The following DDI2 variants were observed in gnomAD, a reference collection of about 807,000 sequenced individuals.
DDI2 encodes protein DDI1 homolog 2.
A neutral mutation model predicts 48.1 loss-of-function variants in DDI2; 5 were observed. The observed-to-expected ratio is 0.10, with a 90% CI of 0.05 to 0.22. The LOEUF is 0.22. Ranked by LOEUF, DDI2 falls within the 10% of genes least tolerant of loss-of-function variation. The pLI, the probability that DDI2 is intolerant of heterozygous loss-of-function variation, is 1.00. For synonymous variants in DDI2, 205 were observed against 183.6 expected (o/e 1.12, Z -0.94); for missense variants, 285 against 506.2 (o/e 0.56, Z 4.19).
At chr1:15,626,163 CA>C (rs1639750510) in intron 1 of DDI2, among the ~76,000 whole-genome samples, 2 of 152,162 alleles carry the variant, frequency 1.3e-5, no homozygotes, top group South Asian at 4.1e-4. Context: ...ATTTGAGCAT[CA>C]GTTATATAAC....
intron 6 of DDI2, 144 bp from the exon 7 acceptor site, chr1:15,649,576 C>T (rs374461256): frequency 1.3e-5 from 8 of 627,910 alleles, no homozygotes; most frequent in Non-Finnish European, 1.8e-5. Flanking sequence ...GAGGCTGAGG[C>T]AAGAGAATCA....
At chr1:15,654,684 G>T (rs1640244996) in intron 8 of DDI2, among the ~76,000 whole-genome samples, 1 of 150,746 alleles carries the variant, frequency 6.6e-6, no homozygotes, top group African/African-American at 2.4e-5. Flanking sequence ...CAACAGAATT[G>T]ACTCCCATCA....
chr1:15,624,527 G>T (rs6429763), intron 1 of DDI2, among the ~76,000 whole-genome samples: 30,693 of 151,942 alleles, frequency 0.2, 3,207 homozygotes, highest in Middle Eastern at 0.26. Context: ...GAGTGCAGTG[G>T]TGCAACCGCA....
At chr1:15,649,844 T>C (rs773583641) in intron 7 of DDI2, 21 bp downstream of exon 7, 8 of 1,554,966 alleles carry the variant, frequency 5.1e-6, no homozygotes, top group South Asian at 1.2e-5. Context: ...GCTTCACTTA[T>C]TTTTTTTGCA....
Position 15,660,736 on chromosome 1 carries a change from G to A in DDI2, c.*946G>A. The A allele has an allele frequency of 1.2e-6, 2 of 1,613,796 alleles. No individual in the cohort carries two copies. Among genetic ancestry groups the A allele is most frequent in the Non-Finnish European group, 1.7e-6 (2 of 1,179,938 alleles). On this transcript the variant is annotated 3_prime_UTR_variant, in exon 10 of 10. Coordinates refer to ENST00000480945, the MANE Select transcript of DDI2 (RefSeq NM_032341.5). ...TTTAGATAATCCCTTGATGGAAGTA[G>A]AAACATCAAAATGTAACCCTTCATC...
intron 5 of DDI2, among the ~76,000 whole-genome samples, chr1:15,640,380 TCTACTC>T (rs1639988763): frequency 6.6e-6 from 1 of 152,228 alleles, no homozygotes; most frequent in African/African-American, 2.4e-5. Flanking sequence ...GGTCACATTC[TCTACTC>T]TGTCTTTTAC....
intron 1 of DDI2, among the ~76,000 whole-genome samples, chr1:15,620,007 TTG>T (rs1639632020): frequency 6.6e-6 from 1 of 152,154 alleles, no homozygotes; most frequent in African/African-American, 2.4e-5. Flanking sequence ...AGACGATTTA[TTG>T]TGTGGTCAGC....
chr1:15,651,144 C>T (rs1394763851), intron 7 of DDI2, among the ~76,000 whole-genome samples: 10 of 152,204 alleles, frequency 6.6e-5, no homozygotes, highest in South Asian at 6.2e-4. Flanking sequence ...TGAGCCACCA[C>T]GCCCGGCTCA....
intron 8 of DDI2, among the ~76,000 whole-genome samples, chr1:15,655,620 G>A (rs1199174761): frequency 6.6e-6 from 1 of 152,004 alleles, no homozygotes; most frequent in Non-Finnish European, 1.5e-5. Context: ...AGGCATGGTT[G>A]TGGGCGCCTG....
At chr1:15,630,285 T>C (rs1424241784) in intron 2 of DDI2, 40 bp from the exon 3 acceptor site, 2 of 1,597,222 alleles carry the variant, frequency 1.3e-6, no homozygotes, top group Non-Finnish European at 1.7e-6. Context: ...CTTGTTTTTG[T>C]AGAGTAATTT....
chr1:15,617,627 C>T lies in DDI2; in HGVS notation c.-44C>T, dbSNP rs772953101. On this transcript the variant is annotated 5_prime_UTR_variant, in exon 1 of 10. Coordinates refer to ENST00000480945, the MANE Select transcript of DDI2 (RefSeq NM_032341.5). ...GCCGCCTCTTCCCCTGCGCCCCGCG[C>T]CCAGGCCGGGCCGAGCCGAGCCGAG... 8 of 1,314,928 alleles carry T rather than the reference C, an allele frequency of 6.1e-6. No homozygotes were observed. In the Admixed American group the frequency reaches 3.0e-4, roughly 49 times the overall value. The allele number at this position is 1,314,928 out of a possible 1,614,324, so 81.5% of individuals were successfully genotyped here.
chr1:15,651,066 G>A (rs1361599675), intron 7 of DDI2, among the ~76,000 whole-genome samples: 15 of 151,676 alleles, frequency 9.9e-5, no homozygotes, highest in East Asian at 5.8e-4. Context: ...TGTTAGCCAG[G>A]ATGGTCTCGA....
In DDI2 at chr1:15,661,378, C is replaced by T. The variant is rs202037484; in HGVS notation, c.*1588C>T. ...ACTTTTAGCAGGTGAGGAGGATGCA[C>T]TCAATCAGACTTCTGAGCAAACTAA... On this transcript the variant is annotated 3_prime_UTR_variant, in exon 10 of 10. Coordinates refer to ENST00000480945, the MANE Select transcript of DDI2 (RefSeq NM_032341.5). The T allele has an allele frequency of 6.2e-7, 1 of 1,614,172 alleles. No individual in the cohort carries two copies. The highest frequency in any genetic ancestry group is 2.2e-5 in the East Asian group (1 of 44,874).
rs1157710637 is a variant in DDI2 at position 15,661,201 on chromosome 1, A to T, written c.*1411A>T. ...TGGAAGAGAAGCTGTAGAAAATGTA[A>T]ACTTCAGGAGTCTAGGTGATGGCCT... On this transcript the variant is annotated 3_prime_UTR_variant, in exon 10 of 10. Transcript: ENST00000480945. 1 of 1,614,048 alleles carries T rather than the reference A, an allele frequency of 6.2e-7. No homozygotes were observed. The highest frequency in any genetic ancestry group is 8.5e-7 in the Non-Finnish European group (1 of 1,180,026).
chr1:15,647,833 G>A (rs567566895), intron 6 of DDI2, among the ~76,000 whole-genome samples: 117 of 152,120 alleles, frequency 7.7e-4, no homozygotes, highest in African/African-American at 2.7e-3. Flanking sequence ...TGTCATGACC[G>A]TACGCCTGTA....
At chr1:15,642,400 T>G (rs918102875) in intron 5 of DDI2, among the ~76,000 whole-genome samples, 3 of 152,250 alleles carry the variant, frequency 2.0e-5, no homozygotes, top group Non-Finnish European at 4.4e-5. Flanking sequence ...GCATGATTTA[T>G]TAATAGTAGA....
intron 1 of DDI2, among the ~76,000 whole-genome samples, chr1:15,626,442 AG>A (rs1300014195): frequency 1.3e-5 from 2 of 152,206 alleles, no homozygotes; most frequent in East Asian, 3.8e-4. Context: ...CTGTTGTTTG[AG>A]GAACAGCAGT....
chr1:15,648,532 C>T (rs536594351), intron 6 of DDI2, among the ~76,000 whole-genome samples: 1 of 152,094 alleles, frequency 6.6e-6, no homozygotes, highest in African/African-American at 2.4e-5. Flanking sequence ...TGAGAATGGG[C>T]AAAATACTCT....
At position 15,629,787 on chromosome 1, in the gene DDI2, A is replaced by C. The variant is rs565380016; in HGVS notation, c.269-538A>C. Reference sequence around the variant, plus strand: ...GCTCTTGTTGCCTGGGCTGGAGTGCAATGGCGCCATCTCGGCTCACTGCAA... The same window carrying C: ...GCTCTTGTTGCCTGGGCTGGAGTGCCATGGCGCCATCTCGGCTCACTGCAA... On this transcript the variant is annotated intron_variant, in intron 2 of 9. Coordinates refer to ENST00000480945, the MANE Select transcript of DDI2 (RefSeq NM_032341.5). 3.4e-5 allele frequency among the ~76,000 whole-genome samples: 5 copies of C among 148,682 alleles called. No individual in the cohort carries two copies. In the East Asian group the frequency reaches 8.0e-4, roughly 24 times the overall value.
Sources: gnomAD v4.1 joint callset for allele counts (sites outside exome capture counted in the v4.1 genomes callset) on GRCh38, gnomAD v4.1.1 for gene constraint, MANE v1.5 for transcripts, NCBI Gene and HGNC (gene_info 2026-07-23, HGNC 2026-07-21) for gene names.